Variants in TUSC3 observed in about 807,000 individuals in gnomAD.
TUSC3 encodes dolichyl-diphosphooligosaccharide--protein glycosyltransferase subunit TUSC3.
Under a neutral mutation model 44.8 loss-of-function variants are expected in TUSC3, and 45 were observed. That is an observed-to-expected ratio of 1.00 (90% CI 0.79 to 1.29). The LOEUF is 1.29. Among genes scored for constraint, TUSC3 ranks in the 50% most tolerant of loss-of-function variants. The probability of loss-of-function intolerance (pLI) is 0.00; values close to 1 mark genes in which losing one functional copy is unlikely to be tolerated. For synonymous variants in TUSC3, 212 were observed against 152.9 expected, an observed-to-expected ratio of 1.39 and a Z score of -2.85; for missense variants, 519 against 437.9, an observed-to-expected ratio of 1.19 and a Z score of -1.65.
At chr8:15,761,795 G>T (rs1812178018) in intron 10 of TUSC3, among the ~76,000 whole-genome samples, 1 of 152,056 alleles carries the variant, frequency 6.6e-6, no homozygotes, top group Admixed American at 6.6e-5. Flanking sequence ...TTTTAAAAAA[G>T]TATGATACGA....
chr8:15,580,906 A>G (rs1421143650), intron 1 of TUSC3, among the ~76,000 whole-genome samples: 1 of 135,606 alleles, frequency 7.4e-6, no homozygotes, highest in African/African-American at 3.0e-5. Context: ...AATATCCTGC[A>G]GAGTGTTTTC....
intron 9 of TUSC3, among the ~76,000 whole-genome samples, chr8:15,757,010 C>T (rs1176255020): frequency 1.3e-5 from 2 of 152,102 alleles, no homozygotes; most frequent in Non-Finnish European, 2.9e-5. Flanking sequence ...GTGGCACACG[C>T]CTGTAGTCCC....
chr8:15,680,330 T>A (rs574506674), intron 6 of TUSC3, among the ~76,000 whole-genome samples: 2 of 152,028 alleles, frequency 1.3e-5, no homozygotes, highest in African/African-American at 4.8e-5. Flanking sequence ...CTAGGTAATT[T>A]GTGTGTGTAT....
intron 2 of TUSC3, among the ~76,000 whole-genome samples, chr8:15,509,497 A>G (rs1174730146): frequency 1.3e-5 from 2 of 151,956 alleles, no homozygotes; most frequent in Admixed American, 1.3e-4. Context: ...AATCCCAGCT[A>G]CTCGGGAGGC....
At chr8:15,729,709 A>C (rs766022128) in intron 6 of TUSC3, among the ~76,000 whole-genome samples, 1 of 152,016 alleles carries the variant, frequency 6.6e-6, no homozygotes, top group Non-Finnish European at 1.5e-5. Context: ...GGCTTACTTG[A>C]GGTTGGAGGG....
intron 1 of TUSC3, among the ~76,000 whole-genome samples, chr8:15,429,978 G>C (rs1347680880): frequency 6.6e-6 from 1 of 151,540 alleles, no homozygotes; most frequent in Admixed American, 6.6e-5. Context: ...CTGAAATTGA[G>C]GCAATAATAG....
At chr8:15,548,485 T>C (rs1801950082) in intron 1 of TUSC3, among the ~76,000 whole-genome samples, 1 of 151,820 alleles carries the variant, frequency 6.6e-6, no homozygotes, top group Admixed American at 6.6e-5. Flanking sequence ...GGAGTGTGTG[T>C]ATGAGAATGT....
At chr8:15,559,560 T>G (rs886492949) in intron 1 of TUSC3, among the ~76,000 whole-genome samples, 3 of 141,678 alleles carry the variant, frequency 2.1e-5, no homozygotes, top group Admixed American at 7.1e-5. Context: ...GGTATCCTTG[T>G]TGACTTTCTG....
intron 1 of TUSC3, among the ~76,000 whole-genome samples, chr8:15,570,546 A>G (rs1802835885): frequency 6.6e-6 from 1 of 152,178 alleles, no homozygotes; most frequent in Admixed American, 6.5e-5. Context: ...AATTAAGCGG[A>G]TGCTACGATT....
At chr8:15,612,186 G>C (rs928581010) in intron 1 of TUSC3, among the ~76,000 whole-genome samples, 6 of 152,108 alleles carry the variant, frequency 3.9e-5, no homozygotes, top group African/African-American at 1.4e-4. Context: ...CTGCTATTCA[G>C]ATAGCAGGTA....
At chr8:15,648,725 CAAAAAAAAAAAAAAAAAAAA>C (rs58526383) in intron 2 of TUSC3, among the ~76,000 whole-genome samples, 2 of 26,152 alleles carry the variant, frequency 7.6e-5, no homozygotes, top group East Asian at 1.3e-3. Context: ...GACTCTGTGT[CAAAAAAAAAAAAAAAAAAAA>C]AAAAAAAAAA....
At chr8:15,800,503 G>A in the TUSC3 span, among the ~76,000 whole-genome samples, 5 of 151,992 alleles carry the variant, frequency 3.3e-5, no homozygotes, top group South Asian at 1.0e-3. Flanking sequence ...AGCCTGGGCT[G>A]CTGAGGCTGC....
chr8:15,638,427 G>A (rs764278267), intron 2 of TUSC3, among the ~76,000 whole-genome samples: 8 of 151,390 alleles, frequency 5.3e-5, no homozygotes, highest in African/African-American at 7.3e-5. Context: ...AGTAATTGTC[G>A]CGTATAGTTT....
chr8:15,707,392 C>T (rs989453454), intron 6 of TUSC3, among the ~76,000 whole-genome samples: 1 of 151,996 alleles, frequency 6.6e-6, no homozygotes, highest in East Asian at 1.9e-4. Flanking sequence ...AGAAGAATGT[C>T]TAAGTTTTGT....
At chr8:15,453,828 C>G (rs1286745516) in intron 1 of TUSC3, among the ~76,000 whole-genome samples, 2 of 152,052 alleles carry the variant, frequency 1.3e-5, no homozygotes, top group Non-Finnish European at 2.9e-5. Context: ...GGTTAACTGT[C>G]TCTCTAAAAT....
chr8:15,824,081 A>T, the TUSC3 span, among the ~76,000 whole-genome samples: 2 of 152,216 alleles, frequency 1.3e-5, no homozygotes, highest in African/African-American at 4.8e-5. Flanking sequence ...GCTAAGCTGC[A>T]TTTTAGAAGG....
chr8:15,612,920 G>C (rs1475151007), intron 1 of TUSC3, among the ~76,000 whole-genome samples: 1 of 151,988 alleles, frequency 6.6e-6, no homozygotes, highest in Admixed American at 6.6e-5. Context: ...ATCTTCTGCA[G>C]TGAATTTAAA....
chr8:15,837,342 T>G, the TUSC3 span, among the ~76,000 whole-genome samples: 2 of 152,202 alleles, frequency 1.3e-5, no homozygotes, highest in Non-Finnish European at 2.9e-5. Flanking sequence ...AGCTTTATTG[T>G]ACTACACATT....
intron 1 of TUSC3, among the ~76,000 whole-genome samples, chr8:15,563,911 T>A (rs1328702833): frequency 6.6e-6 from 1 of 152,106 alleles, no homozygotes; most frequent in Non-Finnish European, 1.5e-5. Context: ...TTGATAGGCA[T>A]TTTCCTTTTC....
Sources: allele counts gnomAD v4.1 joint callset (sites outside exome capture counted in the v4.1 genomes callset), GRCh38; gene constraint gnomAD v4.1.1; transcripts MANE v1.5; gene names NCBI Gene and HGNC (gene_info 2026-07-23, HGNC 2026-07-21).